ATL1: variants seen among roughly 807,000 people sequenced by gnomAD.
ATL1 encodes atlastin GTPase 1.
Under a neutral mutation model 75.5 loss-of-function variants are expected in ATL1, and 31 were observed. The observed-to-expected ratio is 0.41, with a 90% CI of 0.31 to 0.55. The LOEUF is 0.55. ATL1 is among the 20% of genes least tolerant of loss of function. The pLI is 0.27. For missense variants in ATL1, 405 were observed against 662.6 expected (o/e 0.61, Z 4.27); for synonymous variants, 226 against 233.3 (o/e 0.97, Z 0.28).
chr14:50,613,728 T>A (rs2039388184), intron 7 of ATL1, among the ~76,000 whole-genome samples: 1 of 152,132 alleles, frequency 6.6e-6, no homozygotes, highest in Non-Finnish European at 1.5e-5. Flanking sequence ...CTGTACAAAT[T>A]GTTACACTGA....
At chr14:50,581,111 A>G (rs913379899) in intron 1 of ATL1, among the ~76,000 whole-genome samples, 2 of 151,668 alleles carry the variant, frequency 1.3e-5, no homozygotes, top group African/African-American at 4.8e-5. Context: ...TATTAAGTTA[A>G]TCTCACTGAT....
chr14:50,620,753 G>A (rs768392295), intron 9 of ATL1, 27 bp downstream of exon 9: 43 of 1,610,816 alleles, frequency 2.7e-5, no homozygotes, highest in Admixed American at 2.0e-4. Flanking sequence ...TAGAGCATTC[G>A]TGGGATAGAT....
At chr14:50,613,404 C>T (rs2039384939) in intron 7 of ATL1, 53 bp downstream of exon 7, 1 of 1,378,918 alleles carries the variant, frequency 7.3e-7, no homozygotes, top group Non-Finnish European at 1.0e-6. Context: ...GGAATTATTT[C>T]TGTTGGATCA....
chr14:50,575,615 A>T (rs1044309827), intron 1 of ATL1, among the ~76,000 whole-genome samples: 73 of 152,160 alleles, frequency 4.8e-4, no homozygotes, highest in Middle Eastern at 3.2e-3. Context: ...AAGGGACATA[A>T]ATAGTTTAAG....
chr14:50,587,142 G>C (rs1054347979), intron 1 of ATL1, among the ~76,000 whole-genome samples: 5 of 152,116 alleles, frequency 3.3e-5, no homozygotes, highest in Non-Finnish European at 4.4e-5. Flanking sequence ...GTATTGCAAG[G>C]ATCCTTTATG....
In ATL1 at chr14:50,628,303, G is replaced by T; in HGVS notation, c.1392G>T (p.Val464=). 6.2e-7 allele frequency: 1 copy of T among 1,614,092 alleles called. No individual in the cohort carries two copies. The highest frequency in any genetic ancestry group is 1.1e-5 in the South Asian group (1 of 91,054). The change falls in exon 12 of 14, where the codon GTG becomes GTT. Residue 464 remains valine (V), a synonymous_variant. Transcript: ENST00000358385. Reference sequence around the variant, plus strand: ...TTATCACATATGTGATTGCTGGTGTGACTGGATTCATTGGTTTGGACATCA... The same window carrying T: ...TTATCACATATGTGATTGCTGGTGTTACTGGATTCATTGGTTTGGACATCA... ...VIFITYVIAG[V]TGFIGLDIIA...
chr14:50,622,434 G>A (rs189290028), intron 10 of ATL1, among the ~76,000 whole-genome samples: 37 of 152,274 alleles, frequency 2.4e-4, no homozygotes, highest in Non-Finnish European at 4.6e-4. Flanking sequence ...TTGGGAGGCC[G>A]AGGCGGGCAG....
chr14:50,607,878 C>T (rs1181720723), intron 6 of ATL1, among the ~76,000 whole-genome samples: 1 of 152,028 alleles, frequency 6.6e-6, no homozygotes, highest in Non-Finnish European at 1.5e-5. Flanking sequence ...CATATTAATG[C>T]ACCATAGTTT....
upstream of ATL1, chr14:50,558,973 G>A (rs1040548705): frequency 1.2e-4 from 19 of 152,282 alleles, no homozygotes; most frequent in Admixed American, 5.9e-4. Flanking sequence ...GCAGTGGTGG[G>A]GGAGTTTGTT....
chr14:50,628,592 C>T (rs1310248319), intron 12 of ATL1, 130 bp downstream of exon 12: 1 of 911,506 alleles, frequency 1.1e-6, no homozygotes, highest in Non-Finnish European at 1.8e-6. Flanking sequence ...AATGTTATGA[C>T]CTGCCCAGAT....
intron 1 of ATL1, among the ~76,000 whole-genome samples, chr14:50,575,205 G>T (rs2140189359): frequency 6.6e-6 from 1 of 151,380 alleles, no homozygotes; most frequent in South Asian, 2.1e-4. Flanking sequence ...TCATGTCATT[G>T]TTCTTCTAGA....
chr14:50,627,884 TGGA>T, intron 11 of ATL1, 144 bp from the exon 12 acceptor site: 5 of 725,468 alleles, frequency 6.9e-6, no homozygotes, highest in Non-Finnish European at 1.2e-5. Context: ...GGATAGGGGG[TGGA>T]AAGATGTGGG....
chr14:50,539,433 T>C (rs1441242786), intron 1 of ATL1, among the ~76,000 whole-genome samples: 1 of 152,226 alleles, frequency 6.6e-6, no homozygotes, highest in Admixed American at 6.5e-5. Context: ...TTGACAGCTT[T>C]GAAGAAATCC....
At chr14:50,602,076 G>A (rs1029327847) in intron 6 of ATL1, among the ~76,000 whole-genome samples, 6 of 152,116 alleles carry the variant, frequency 3.9e-5, no homozygotes, top group African/African-American at 1.4e-4. Flanking sequence ...GGATCCCTAC[G>A]ACTAATTCTG....
At chr14:50,631,296 C>G (rs553378715) in intron 13 of ATL1, among the ~76,000 whole-genome samples, 45 of 151,434 alleles carry the variant, frequency 3.0e-4, no homozygotes, top group Admixed American at 2.7e-3. Flanking sequence ...AAAAAAAAAC[C>G]AGATCCAAAG....
intron 1 of ATL1, among the ~76,000 whole-genome samples, chr14:50,563,849 G>C (rs1012448260): frequency 6.6e-6 from 1 of 152,168 alleles, no homozygotes; most frequent in Non-Finnish European, 1.5e-5. Flanking sequence ...GCATATAAAA[G>C]TCAATTCTTC....
chr14:50,578,260 G>A (rs1196557762), intron 1 of ATL1, among the ~76,000 whole-genome samples: 2 of 152,064 alleles, frequency 1.3e-5, no homozygotes, highest in African/African-American at 4.8e-5. Context: ...TTATTTTGTA[G>A]CCTATGTAAG....
At chr14:50,608,288 A>G (rs531150067) in intron 6 of ATL1, among the ~76,000 whole-genome samples, 1 of 152,180 alleles carries the variant, frequency 6.6e-6, no homozygotes, top group South Asian at 2.1e-4. Context: ...TACATGATGA[A>G]TGAAAAGCAT....
chr14:50,630,031 T>A, intron 13 of ATL1, 22 bp downstream of exon 13: 1 of 1,573,228 alleles, frequency 6.4e-7, no homozygotes, highest in African/African-American at 1.4e-5. Context: ...TTTTTAAAAT[T>A]CAGAGCTATG....
Sources: gnomAD v4.1 joint callset for allele counts (sites outside exome capture counted in the v4.1 genomes callset) on GRCh38, gnomAD v4.1.1 for gene constraint, MANE v1.5 for transcripts, NCBI Gene and HGNC (gene_info 2026-07-23, HGNC 2026-07-21) for gene names.